CDH18: variants seen among roughly 807,000 people sequenced by gnomAD.
CDH18 encodes cadherin 18.
CDH18 carries 31 observed loss-of-function variants against 67.9 expected under a neutral mutation model. The observed-to-expected ratio is 0.46, with a 90% confidence interval of 0.34 to 0.62. The LOEUF (loss-of-function observed/expected upper bound fraction) is 0.62, where lower values mean the gene tolerates loss of function less well. Ranked by LOEUF, CDH18 falls within the 20% of genes least tolerant of loss-of-function variation. CDH18 has a pLI of 0.01. For missense variants in CDH18, 890 were observed against 975.5 expected (o/e 0.91, Z 1.17); for synonymous variants, 362 against 347.2 (o/e 1.04, Z -0.48).
At position 20,557,301 on chromosome 5, in the gene CDH18, A is replaced by G. The variant is rs1757957610; in HGVS notation, c.-580+18161T>C. On this transcript the variant is annotated intron_variant, in intron 1 of 14. Coordinates refer to the CDH18 transcript ENST00000507958. ...TTGCGTGGAGAGATCGGCGAAAAAA[A>G]TGTAAGTAAAGAAAATATGAATGCA... Among the ~76,000 whole-genome samples the G allele has an allele frequency of 5.3e-5, 8 of 152,200 alleles. No individual in the cohort carries two copies. The South Asian group carries it at 1.7e-3, about 32-fold the overall frequency.
intron 2 of CDH18, among the ~76,000 whole-genome samples, chr5:19,851,280 AG>A (rs1783654698): frequency 6.6e-6 from 1 of 151,714 alleles, no homozygotes; most frequent in African/African-American, 2.4e-5. Flanking sequence ...GAGACTTAAA[AG>A]TATATTCTCT....
chr5:19,994,324 T>TACACATATATGTATACATATATAC (rs1446510568), intron 2 of CDH18, among the ~76,000 whole-genome samples: 4 of 150,668 alleles, frequency 2.7e-5, no homozygotes, highest in African/African-American at 7.4e-5. Context: ...TATACATATA[T>TACACATATATGTATACATATATAC]ACATATATTT....
chr5:19,581,072 G>C (rs1032099812), intron 7 of CDH18, among the ~76,000 whole-genome samples: 1 of 151,798 alleles, frequency 6.6e-6, no homozygotes, highest in Non-Finnish European at 1.5e-5. Flanking sequence ...AAATGCTATT[G>C]ATAAAATTGT....
intron 2 of CDH18, among the ~76,000 whole-genome samples, chr5:20,066,003 T>A (rs1426127377): frequency 6.6e-6 from 1 of 152,034 alleles, no homozygotes; most frequent in Non-Finnish European, 1.5e-5. Flanking sequence ...TTGATGACAT[T>A]TTCAAATTAG....
At chr5:20,290,538 T>C (rs1419454323) in intron 1 of CDH18, among the ~76,000 whole-genome samples, 3 of 152,092 alleles carry the variant, frequency 2.0e-5, no homozygotes, top group Non-Finnish European at 4.4e-5. Flanking sequence ...GAATGAACTA[T>C]AGAAATACAG....
chr5:20,095,745 C>A (rs942689758), intron 2 of CDH18, among the ~76,000 whole-genome samples: 1 of 145,678 alleles, frequency 6.9e-6, no homozygotes, highest in Non-Finnish European at 1.5e-5. Context: ...ACTTTGATAC[C>A]GAAGTTATAA....
chr5:19,712,177 G>A (rs530230046), intron 5 of CDH18, among the ~76,000 whole-genome samples: 4 of 152,002 alleles, frequency 2.6e-5, no homozygotes, highest in East Asian at 1.9e-4. Flanking sequence ...AATGAGGAAC[G>A]GGAAATTACT....
At chr5:20,090,214 A>G (rs766354842) in intron 2 of CDH18, among the ~76,000 whole-genome samples, 3 of 152,208 alleles carry the variant, frequency 2.0e-5, no homozygotes, top group African/African-American at 4.8e-5. Flanking sequence ...TGAAGAGTAT[A>G]TACAAATAAT....
chr5:20,247,038 T>G (rs185914264), intron 2 of CDH18, among the ~76,000 whole-genome samples: 1 of 152,256 alleles, frequency 6.6e-6, no homozygotes, highest in East Asian at 1.9e-4. Context: ...GTTTCTCCCA[T>G]CTCCTCATCC....
chr5:19,911,415 T>C (rs544705286), intron 2 of CDH18, among the ~76,000 whole-genome samples: 1 of 152,238 alleles, frequency 6.6e-6, no homozygotes, highest in East Asian at 1.9e-4. Context: ...ATATCTGTTA[T>C]GCACTGAAAG....
intron 2 of CDH18, among the ~76,000 whole-genome samples, chr5:19,868,911 C>T (rs1561476497): frequency 6.6e-6 from 1 of 152,088 alleles, no homozygotes; most frequent in Non-Finnish European, 1.5e-5. Flanking sequence ...GAAAAATAGA[C>T]TTATTTGATT....
chr5:20,019,307 T>A (rs1738184477), intron 2 of CDH18, among the ~76,000 whole-genome samples: 1 of 152,248 alleles, frequency 6.6e-6, no homozygotes, highest in African/African-American at 2.4e-5. Context: ...GAATGACTAC[T>A]AAATTAATGA....
chr5:19,489,312 A>G (rs1453381028), intron 11 of CDH18, among the ~76,000 whole-genome samples: 14 of 148,788 alleles, frequency 9.4e-5, no homozygotes, highest in Middle Eastern at 7.1e-3. Flanking sequence ...CAGTGGTGCA[A>G]TCTTGGCTCA....
At chr5:20,430,854 A>G (rs1388612748) in intron 1 of CDH18, among the ~76,000 whole-genome samples, 1 of 152,168 alleles carries the variant, frequency 6.6e-6, no homozygotes, top group Non-Finnish European at 1.5e-5. Context: ...TCATAATAAC[A>G]TAATACATTC....
At chr5:19,919,389 A>T (rs1196067337) in intron 2 of CDH18, among the ~76,000 whole-genome samples, 1 of 152,186 alleles carries the variant, frequency 6.6e-6, no homozygotes, top group Non-Finnish European at 1.5e-5. Context: ...CCCAATTTGC[A>T]GCCAAGTTGG....
intron 2 of CDH18, among the ~76,000 whole-genome samples, chr5:20,024,246 A>C (rs986845045): frequency 2.0e-5 from 3 of 152,148 alleles, no homozygotes; most frequent in African/African-American, 7.2e-5. Flanking sequence ...TTGGCCAAAA[A>C]CTTTCTTTAG....
At position 19,747,052 on chromosome 5, in the gene CDH18, G is replaced by A; in HGVS notation, c.413C>T (p.Pro138Leu). The change falls in exon 4 of 13, where the codon CCT becomes CTT. Residue 138 changes from proline (P) to leucine (L), a missense_variant. By Grantham distance (98) the Pro-to-Leu change is moderately conservative (BLOSUM62 -3). Around this residue, in one of 2 missense-constraint regions of CDH18, gnomAD observed 234 missense variants for 307.4 expected, o/e 0.76. Coordinates refer to ENST00000382275, the MANE Select transcript of CDH18 (RefSeq NM_004934.5). ...AQAIDRRTNK[P>L]LEPESEFIIK... ...GATGAACTCGGATTCAGGCTCAAGA[G>A]GTTTGTTTGTACGTCTATCAATAGC... is the stretch of plus-strand genomic sequence containing the variant. 1.2e-6 allele frequency: 2 copies of A among 1,614,102 alleles called. No homozygotes were observed. The highest frequency in any genetic ancestry group is 1.7e-6 in the Non-Finnish European group (2 of 1,179,998).
chr5:20,532,066 C>T (rs1291202134), intron 1 of CDH18, among the ~76,000 whole-genome samples: 1 of 151,912 alleles, frequency 6.6e-6, no homozygotes, highest in Non-Finnish European at 1.5e-5. Context: ...GTATTTAATA[C>T]ATAAACCTTA....
At chr5:19,944,396 G>T (rs1044732350) in intron 2 of CDH18, among the ~76,000 whole-genome samples, 1 of 152,182 alleles carries the variant, frequency 6.6e-6, no homozygotes, top group Admixed American at 6.6e-5. Flanking sequence ...TCTAAAGTGT[G>T]TATATAATTT....
Sources: allele counts gnomAD v4.1 joint callset (sites outside exome capture counted in the v4.1 genomes callset), GRCh38; gene constraint gnomAD v4.1.1; regional missense constraint gnomAD v4.1.1; transcripts MANE v1.5; gene names NCBI Gene and HGNC (gene_info 2026-07-23, HGNC 2026-07-21).